The following FOXO1 variants were observed in gnomAD, a reference collection of about 807,000 sequenced individuals.
FOXO1 encodes the protein forkhead box protein O1.
A neutral mutation model predicts 44.1 loss-of-function variants in FOXO1; 6 were observed. The ratio of observed to expected loss-of-function variants is 0.14; its 90% CI spans 0.07 to 0.27. The LOEUF is 0.27. Among genes scored for constraint, FOXO1 ranks in the 10% least tolerant of loss-of-function variants. The pLI is 1.00. For missense variants in FOXO1, 737 were observed against 888.8 expected (o/e 0.83, Z 2.17); for synonymous variants, 380 against 362.7 (o/e 1.05, Z -0.54).
At chr13:40,646,089 G>A (rs1023110825) in intron 1 of FOXO1, among the ~76,000 whole-genome samples, 4 of 151,102 alleles carry the variant, frequency 2.6e-5, no homozygotes, top group African/African-American at 9.7e-5. Flanking sequence ...AAAAAGTCAT[G>A]GCACTCTCCA....
chr13:40,662,952 A>C (rs917969896), intron 1 of FOXO1, among the ~76,000 whole-genome samples: 1 of 152,258 alleles, frequency 6.6e-6, no homozygotes, highest in Non-Finnish European at 1.5e-5. Flanking sequence ...ATTTTTATGA[A>C]ACTAACCAAA....
intron 1 of FOXO1, among the ~76,000 whole-genome samples, chr13:40,561,728 G>T (rs1411860132): frequency 2.0e-5 from 3 of 152,054 alleles, no homozygotes; most frequent in Non-Finnish European, 4.4e-5. Flanking sequence ...CAGCACTGTA[G>T]GAGGCCAAGG....
At chr13:40,601,165 T>C (rs951050744) in intron 1 of FOXO1, among the ~76,000 whole-genome samples, 1 of 152,196 alleles carries the variant, frequency 6.6e-6, no homozygotes, top group Non-Finnish European at 1.5e-5. Flanking sequence ...AATTTGTTCA[T>C]TAAAGCCCAG....
intron 1 of FOXO1, among the ~76,000 whole-genome samples, chr13:40,598,263 G>A (rs1222176573): frequency 2.0e-5 from 3 of 152,112 alleles, no homozygotes; most frequent in Non-Finnish European, 2.9e-5. Flanking sequence ...TGTCAAGTAT[G>A]ATGCATTAAA....
intron 1 of FOXO1, among the ~76,000 whole-genome samples, chr13:40,646,967 A>T (rs994558058): frequency 1.3e-5 from 2 of 152,250 alleles, no homozygotes; most frequent in Admixed American, 1.3e-4. Flanking sequence ...GTAGGAGATC[A>T]GAATATGCCA....
intron 1 of FOXO1, chr13:40,620,067 G>A: frequency 1.1e-6 from 1 of 920,118 alleles, no homozygotes; most frequent in Non-Finnish European, 1.7e-6. Flanking sequence ...CTGTCAGGAG[G>A]AGAGGTATAA....
At chr13:40,576,258 G>A (rs952740091) in intron 1 of FOXO1, among the ~76,000 whole-genome samples, 1 of 152,066 alleles carries the variant, frequency 6.6e-6, no homozygotes, top group African/African-American at 2.4e-5. Flanking sequence ...AGGTACGGTG[G>A]GTGGGGCCTT....
At chr13:40,564,745 C>A (rs1355374565) in intron 1 of FOXO1, among the ~76,000 whole-genome samples, 3 of 152,224 alleles carry the variant, frequency 2.0e-5, no homozygotes, top group Non-Finnish European at 4.4e-5. Flanking sequence ...CTGTCAATCA[C>A]TTGCCCAAAT....
At chr13:40,637,106 A>G (rs2137918677) in intron 1 of FOXO1, among the ~76,000 whole-genome samples, 1 of 152,160 alleles carries the variant, frequency 6.6e-6, no homozygotes, top group Non-Finnish European at 1.5e-5. Context: ...CCCCAACTCA[A>G]CACTGTGACA....
chr13:40,611,495 G>A (rs1344502418), intron 1 of FOXO1, among the ~76,000 whole-genome samples: 1 of 152,114 alleles, frequency 6.6e-6, no homozygotes, highest in Admixed American at 6.5e-5. Context: ...TGCTGATTTC[G>A]TACATTAAAA....
intron 1 of FOXO1, among the ~76,000 whole-genome samples, chr13:40,597,116 C>A (rs1875608978): frequency 6.6e-6 from 1 of 152,188 alleles, no homozygotes; most frequent in East Asian, 1.9e-4. Flanking sequence ...CACGGGGGAG[C>A]CTATTTACTA....
At chr13:40,644,124 C>G (rs1877439749) in intron 1 of FOXO1, among the ~76,000 whole-genome samples, 1 of 152,224 alleles carries the variant, frequency 6.6e-6, no homozygotes, top group African/African-American at 2.4e-5. Flanking sequence ...GATCTAAAGA[C>G]ATCCTCCCAG....
chr13:40,618,483 T>C (rs1376938975), intron 1 of FOXO1, among the ~76,000 whole-genome samples: 2 of 152,210 alleles, frequency 1.3e-5, no homozygotes, highest in Admixed American at 1.3e-4. Context: ...CGGGATTGTA[T>C]TCTGGTGGAT....
At chr13:40,644,550 T>C (rs1877454309) in intron 1 of FOXO1, among the ~76,000 whole-genome samples, 1 of 152,158 alleles carries the variant, frequency 6.6e-6, no homozygotes, top group Admixed American at 6.5e-5. Flanking sequence ...GTGAGTCCGG[T>C]GGGATATACC....
At chr13:40,651,099 T>G (rs9532574) in intron 1 of FOXO1, among the ~76,000 whole-genome samples, 3 of 55,426 alleles carry the variant, frequency 5.4e-5, no homozygotes, top group African/African-American at 1.3e-4. Flanking sequence ...TTGTTTTTTG[T>G]TTTTTGTTTT....
intron 1 of FOXO1, among the ~76,000 whole-genome samples, chr13:40,615,712 C>T (rs1876401421): frequency 6.6e-6 from 1 of 152,166 alleles, no homozygotes; most frequent in Non-Finnish European, 1.5e-5. Context: ...GCCAGACAGA[C>T]ATCTGGGGAA....
intron 1 of FOXO1, among the ~76,000 whole-genome samples, chr13:40,664,944 A>AC (rs1878174314): frequency 6.6e-6 from 1 of 151,398 alleles, no homozygotes; most frequent in African/African-American, 2.4e-5. Flanking sequence ...CGGAGGCACC[A>AC]CCTCGGGCTC....
intron 1 of FOXO1, among the ~76,000 whole-genome samples, chr13:40,603,122 G>T (rs7324943): frequency 0.098 from 14,836 of 152,066 alleles, 924 homozygotes; most frequent in East Asian, 0.24. Context: ...GTCTCTCCCA[G>T]CTTACGATGC....
At chr13:40,636,793 C>A (rs182454625) in intron 1 of FOXO1, among the ~76,000 whole-genome samples, 72 of 151,956 alleles carry the variant, frequency 4.7e-4, no homozygotes, top group Admixed American at 4.7e-3. Flanking sequence ...CCACACCTGG[C>A]CAAAAAATAA....
Sources: allele counts gnomAD v4.1 joint callset (sites outside exome capture counted in the v4.1 genomes callset), GRCh38; gene constraint gnomAD v4.1.1; transcripts MANE v1.5; gene names NCBI Gene and HGNC (gene_info 2026-07-23, HGNC 2026-07-21).